PHACTR4: variants seen among roughly 807,000 people sequenced by gnomAD.
PHACTR4 encodes phosphatase and actin regulator 4.
Under a neutral mutation model 72.7 loss-of-function variants are expected in PHACTR4, and 51 were observed. The ratio of observed to expected loss-of-function variants is 0.70; its 90% CI spans 0.56 to 0.89. The LOEUF (loss-of-function observed/expected upper bound fraction) is 0.89. Ranked by LOEUF, PHACTR4 falls within the 40% of genes least tolerant of loss-of-function variation. PHACTR4 has a pLI of 0.00. For missense variants in PHACTR4, 731 were observed against 861.8 expected (o/e 0.85, Z 1.90); for synonymous variants, 255 against 302.5 (o/e 0.84, Z 1.63).
At chr1:28,415,445 C>CTT (rs1279618823) in intron 2 of PHACTR4, among the ~76,000 whole-genome samples, 2 of 152,120 alleles carry the variant, frequency 1.3e-5, no homozygotes, top group African/African-American at 2.4e-5. Flanking sequence ...TTTTCAACTG[C>CTT]TTATGGAGTT....
chr1:28,421,538 T>G (rs1276135523), intron 2 of PHACTR4, among the ~76,000 whole-genome samples: 1 of 152,158 alleles, frequency 6.6e-6, no homozygotes, highest in Non-Finnish European at 1.5e-5. Flanking sequence ...CTTTAAGAAT[T>G]TTTAGATTTC....
At chr1:28,480,846 G>A (rs1660236054) in intron 9 of PHACTR4, among the ~76,000 whole-genome samples, 2 of 151,932 alleles carry the variant, frequency 1.3e-5, no homozygotes, top group African/African-American at 2.4e-5. Context: ...CTGCCACCAC[G>A]CCAGGCTAAT....
chr1:28,441,702 A>G (rs1334153965), intron 2 of PHACTR4, among the ~76,000 whole-genome samples: 1 of 152,258 alleles, frequency 6.6e-6, no homozygotes, highest in East Asian at 1.9e-4. Flanking sequence ...TAGATAAAAC[A>G]TTGCAATCAG....
Position 28,429,951 on chromosome 1 carries a change from C to T in PHACTR4, c.16+22488C>T, listed in dbSNP as rs371686591. Among the ~76,000 whole-genome samples, 42 of 152,060 alleles carry T rather than the reference C, an allele frequency of 2.8e-4. No homozygotes were observed. In the South Asian group the frequency reaches 7.3e-3, roughly 26 times the overall value. On this transcript the variant is annotated intron_variant, in intron 2 of 13. Transcript: ENST00000373839. ...ACCATAGTTATGATTAGCTCTTTAC[C>T]TCTCCTGTATTATCCCTTGATGCTT...
At chr1:28,405,009 A>G (rs1050269251) in intron 1 of PHACTR4, among the ~76,000 whole-genome samples, 3 of 151,748 alleles carry the variant, frequency 2.0e-5, no homozygotes, top group African/African-American at 7.3e-5. Context: ...TACCTCTTTT[A>G]TTTATTATAG....
At position 28,397,955 on chromosome 1, in the gene PHACTR4, C is replaced by T. The variant is rs571571386; in HGVS notation, c.-38-9455C>T. Reference sequence around the variant, plus strand: ...GTCTTGATCTCCTGACCTCATGATCCGCCCGCCTCGGCCTCCCAAAGTGCT... The same window carrying T: ...GTCTTGATCTCCTGACCTCATGATCTGCCCGCCTCGGCCTCCCAAAGTGCT... On this transcript the variant is annotated intron_variant, in intron 1 of 13. Transcript: ENST00000373839. Among the ~76,000 whole-genome samples, 19 of 151,820 alleles carry T rather than the reference C, an allele frequency of 1.3e-4. No homozygotes were observed. The East Asian group carries it at 3.1e-3, about 25-fold the overall frequency.
chr1:28,457,184 A>G, intron 2 of PHACTR4: 1 of 342,806 alleles, frequency 2.9e-6, no homozygotes, highest in Non-Finnish European at 6.0e-6. Context: ...CCTTTATTGA[A>G]AAACTTCCCT....
intron 2 of PHACTR4, among the ~76,000 whole-genome samples, chr1:28,423,872 T>A (rs1655667760): frequency 6.6e-6 from 1 of 152,214 alleles, no homozygotes; most frequent in Non-Finnish European, 1.5e-5. Flanking sequence ...TCAAACAGAA[T>A]TGGGAGAAGG....
chr1:28,422,811 A>G (rs1655590568), intron 2 of PHACTR4, among the ~76,000 whole-genome samples: 1 of 152,130 alleles, frequency 6.6e-6, no homozygotes, highest in South Asian at 2.1e-4. Context: ...TTTTTGAGAC[A>G]GAGTCTCACT....
chr1:28,459,339 A>G (rs1365697428), intron 3 of PHACTR4, 81 bp downstream of exon 3: 1 of 1,172,564 alleles, frequency 8.5e-7, no homozygotes, highest in African/African-American at 1.6e-5. Flanking sequence ...TATCTTCCCA[A>G]GTTTCTGTAG....
intron 8 of PHACTR4, among the ~76,000 whole-genome samples, chr1:28,477,598 T>C (rs1034479619): frequency 3.3e-5 from 5 of 152,216 alleles, no homozygotes; most frequent in Admixed American, 6.5e-5. Context: ...TTTGTTTGTA[T>C]TGGGATTATT....
chr1:28,434,830 C>T (rs180716564), intron 2 of PHACTR4, among the ~76,000 whole-genome samples: 2 of 152,216 alleles, frequency 1.3e-5, no homozygotes, highest in Admixed American at 6.5e-5. Context: ...CTGTGCCTGG[C>T]CTTTTACATT....
intron 2 of PHACTR4, among the ~76,000 whole-genome samples, chr1:28,416,587 T>C (rs186993538): frequency 1.3e-5 from 2 of 152,368 alleles, no homozygotes; most frequent in East Asian, 3.9e-4. Context: ...CTATTGCCTG[T>C]GTCCTCTCAC....
At chr1:28,438,969 A>G (rs1232523837) in intron 2 of PHACTR4, among the ~76,000 whole-genome samples, 2 of 152,184 alleles carry the variant, frequency 1.3e-5, no homozygotes, top group African/African-American at 4.8e-5. Flanking sequence ...TGAAGTTAGT[A>G]CTTTACATTT....
chr1:28,457,478 T>C (rs1658475076), intron 2 of PHACTR4, among the ~76,000 whole-genome samples: 2 of 151,790 alleles, frequency 1.3e-5, no homozygotes, highest in Non-Finnish European at 2.9e-5. Context: ...TGGTACATGC[T>C]TATAGTCCTG....
rs961243501 is a variant in PHACTR4 at position 28,496,180 on chromosome 1, G to A, written c.2094-354G>A. ...CACGCCATTCTCCTGCCTCAGCCTC[G>A]CGAGTAGCTGGGACTACAGGTGCGC... On this transcript the variant is annotated intron_variant, in intron 13 of 13. Coordinates refer to ENST00000373839, the MANE Select transcript of PHACTR4 (RefSeq NM_001048183.3). Among the ~76,000 whole-genome samples the A allele has an allele frequency of 4.0e-5, 6 of 149,016 alleles. 1 individual carries two copies. The highest frequency in any genetic ancestry group is 2.1e-4 in the South Asian group (1 of 4,662).
chr1:28,481,803 G>A (rs982687895), intron 9 of PHACTR4, among the ~76,000 whole-genome samples: 498 of 146,286 alleles, frequency 3.4e-3, no homozygotes, highest in Non-Finnish European at 4.1e-3. Flanking sequence ...AAAAAAAAAA[G>A]AAAAGAAAAG....
chr1:28,410,306 C>G (rs1025525768), intron 2 of PHACTR4, among the ~76,000 whole-genome samples: 2 of 150,720 alleles, frequency 1.3e-5, no homozygotes, highest in African/African-American at 4.8e-5. Context: ...CAGGTTAAAT[C>G]TTGAAGAATT....
In PHACTR4 at chr1:28,497,494, C is replaced by G. The variant is rs1389480694; in HGVS notation, c.*945C>G. On this transcript the variant is annotated 3_prime_UTR_variant, in exon 14 of 14. Coordinates refer to ENST00000373839, the MANE Select transcript of PHACTR4 (RefSeq NM_001048183.3). ...CAGTGAGCCAAGATCATGCCTACTGCACTCCAGCCTGGGCAACAAAGTGGG... is the reference window on the plus strand; with the variant it reads ...CAGTGAGCCAAGATCATGCCTACTGGACTCCAGCCTGGGCAACAAAGTGGG... 6.8e-6 allele frequency: 1 copy of G among 146,088 alleles called. No individual in the cohort carries two copies. 9.0% of individuals were successfully genotyped at this position (146,088 alleles called of 1,614,324 possible).
Sources: gnomAD v4.1 joint callset for allele counts (sites outside exome capture counted in the v4.1 genomes callset) on GRCh38, gnomAD v4.1.1 for gene constraint, MANE v1.5 for transcripts, NCBI Gene and HGNC (gene_info 2026-07-23, HGNC 2026-07-21) for gene names.